The following DNAH7 variants were observed in gnomAD, a reference collection of about 807,000 sequenced individuals.
DNAH7 encodes the protein axonemal beta dynein heavy chain 7.
Under a neutral mutation model 444.6 loss-of-function variants are expected in DNAH7, and 397 were observed. That is an observed-to-expected ratio of 0.89 (90% CI 0.82 to 0.97). The LOEUF (loss-of-function observed/expected upper bound fraction) is 0.97, where lower values mean the gene tolerates loss of function less well. DNAH7 is among the 50% of genes least tolerant of loss of function. The probability of loss-of-function intolerance (pLI) is 0.00; values close to 1 mark genes in which losing one functional copy is unlikely to be tolerated. For missense variants in DNAH7, 4,902 were observed against 4,800.8 expected (o/e 1.02, Z -0.62); for synonymous variants, 1,636 against 1,624.4 (o/e 1.01, Z -0.17).
chr2:195,814,107 G>A (rs986776739), intron 51 of DNAH7, among the ~76,000 whole-genome samples: 2 of 152,208 alleles, frequency 1.3e-5, no homozygotes, highest in African/African-American at 4.8e-5. Flanking sequence ...TGTGTCTTGA[G>A]TTAGGTGCTG....
At chr2:195,910,737 A>G (rs1194910866) in intron 24 of DNAH7, among the ~76,000 whole-genome samples, 1 of 152,096 alleles carries the variant, frequency 6.6e-6, no homozygotes, top group African/African-American at 2.4e-5. Flanking sequence ...CACCTATATA[A>G]ATCTAGAAGT....
At position 195,882,786 on chromosome 2, in the gene DNAH7, C is replaced by T. The variant is rs1007339254; in HGVS notation, c.5764-794G>A. Among the ~76,000 whole-genome samples the T allele has an allele frequency of 2.0e-5, 3 of 152,242 alleles. No homozygotes were observed. The East Asian group carries it at 5.8e-4, about 29-fold the overall frequency. On this transcript the variant is annotated intron_variant, in intron 35 of 64. Transcript: ENST00000312428. ...TGGTCATTCAAAGTACATCAGAATTCGGACCCATCCTTCCTTCACAACCAG... is the reference window on the plus strand; with the variant it reads ...TGGTCATTCAAAGTACATCAGAATTTGGACCCATCCTTCCTTCACAACCAG...
intron 19 of DNAH7, among the ~76,000 whole-genome samples, chr2:195,956,762 T>G (rs1167488447): frequency 6.6e-6 from 1 of 152,228 alleles, no homozygotes; most frequent in African/African-American, 2.4e-5. Flanking sequence ...CTCCACAGTA[T>G]TTGTGTATTT....
At chr2:195,922,042 G>A (rs1336522314) in intron 24 of DNAH7, 46 bp downstream of exon 24, 4 of 1,074,878 alleles carry the variant, frequency 3.7e-6, no homozygotes, top group Non-Finnish European at 5.8e-6. Context: ...TGGTACAGGG[G>A]TGAGTGAAAG....
chr2:195,862,028 G>A lies in DNAH7; in HGVS notation c.7507-82C>T, dbSNP rs531055788. On this transcript the variant is annotated intron_variant, in intron 41 of 64. Coordinates refer to ENST00000312428, the MANE Select transcript of DNAH7 (RefSeq NM_018897.3). Reference sequence around the variant, plus strand: ...ACTACTGCAGCCCTTTACAACTTATGGATGTTGGGGGTGAAGGGGAATAGT... The same window carrying A: ...ACTACTGCAGCCCTTTACAACTTATAGATGTTGGGGGTGAAGGGGAATAGT... 66 of 1,027,958 alleles carry A rather than the reference G, an allele frequency of 6.4e-5. 4 individuals carry two copies. In the South Asian group the frequency reaches 9.7e-4, roughly 15 times the overall value. 63.7% of individuals were successfully genotyped at this position (1,027,958 alleles called of 1,614,324 possible). A position where few individuals can be genotyped will look rare whatever the true frequency, so the allele number is the denominator to read the frequency against.
chr2:196,018,679 A>G (rs1006449723), intron 9 of DNAH7, among the ~76,000 whole-genome samples: 5 of 152,192 alleles, frequency 3.3e-5, no homozygotes, highest in Admixed American at 6.5e-5. Flanking sequence ...ATCAGAGTCC[A>G]TTAATAGCAG....
intron 4 of DNAH7, 126 bp from the exon 5 acceptor site, chr2:196,047,625 G>T (rs1310370003): frequency 1.5e-5 from 11 of 749,890 alleles, no homozygotes; most frequent in South Asian, 9.3e-5. Flanking sequence ...GTAATCCTAA[G>T]TATAATTTTT....
chr2:195,976,756 AGAGAGAG>A (rs1559294916), intron 15 of DNAH7, among the ~76,000 whole-genome samples: 4,455 of 136,206 alleles, frequency 0.033, 227 homozygotes, highest in African/African-American at 0.11. Context: ...ACAGAGAGAG[AGAGAGAG>A]AGAGAGAGAG....
Position 195,844,888 on chromosome 2 carries a change from A to G in DNAH7, c.8945+114T>C, listed in dbSNP as rs538686738. On this transcript the variant is annotated intron_variant, in intron 47 of 64. Transcript: ENST00000312428. ...TTACTCATACTTAATTTCACTAATT[A>G]GTTAAGTAATTTTTTAATACTGTAA... 4 of 828,338 alleles carry G rather than the reference A, an allele frequency of 4.8e-6. No homozygotes were observed. The South Asian group carries it at 5.8e-5, about 12-fold the overall frequency. 51.3% of individuals were successfully genotyped at this position (828,338 alleles called of 1,614,324 possible).
chr2:195,886,648 A>G (rs775111337), intron 33 of DNAH7, among the ~76,000 whole-genome samples: 4 of 152,202 alleles, frequency 2.6e-5, no homozygotes, highest in Non-Finnish European at 5.9e-5. Flanking sequence ...GAGCATATGT[A>G]TAAGCCACAG....
chr2:195,979,543 T>A (rs1245574802), intron 15 of DNAH7, among the ~76,000 whole-genome samples: 3 of 151,940 alleles, frequency 2.0e-5, no homozygotes, highest in Non-Finnish European at 4.4e-5. Context: ...AAATAAGCAA[T>A]GCTCTGATTT....
rs1199706817 is a variant in DNAH7, at chr2:195,923,700, C to T, written c.3720G>A (p.Val1240=). 1.9e-6 allele frequency: 3 copies of T among 1,614,094 alleles called. No individual in the cohort carries two copies. The highest frequency in any genetic ancestry group is 4.5e-5 in the East Asian group (2 of 44,862). Residue 1240 remains valine, a synonymous_variant, in exon 23 of 65, where the codon GTG becomes GTA. Coordinates refer to ENST00000312428, the MANE Select transcript of DNAH7 (RefSeq NM_018897.3). ...MQNRVTLGAL[V]VLDVHARDVL... The stretch of plus-strand genomic sequence containing the variant: ...CATCTCTAGCATGGACATCCAGTAC[C>T]ACAAGTGCTCCCAGAGTTACGCGAT...
chr2:195,740,828 T>G lies in DNAH7; in HGVS notation c.11806A>C (p.Asn3936His), dbSNP rs997263834. Residue 3936 changes from asparagine to histidine, a missense_variant, in exon 64 of 65, where the codon AAT becomes CAT. Transcript: ENST00000312428. ...TCTGCAAGTTTCTTGATCTTTCTATTCCAGGAAGCTCCATCCAGAAATAAT... is the reference window on the plus strand; with the variant it reads ...TCTGCAAGTTTCTTGATCTTTCTATGCCAGGAAGCTCCATCCAGAAATAAT... ...HGLFLDGASWNRKIKKLAESH... is the reference protein window; with the variant it reads ...HGLFLDGASWHRKIKKLAESH... 2 of 1,568,032 alleles carry G rather than the reference T, an allele frequency of 1.3e-6. No homozygotes were observed. The highest frequency in any genetic ancestry group is 8.7e-7 in the Non-Finnish European group (1 of 1,156,016).
At chr2:196,003,492 C>A (rs1694174752) in intron 10 of DNAH7, among the ~76,000 whole-genome samples, 1 of 152,108 alleles carries the variant, frequency 6.6e-6, no homozygotes, top group Admixed American at 6.5e-5. Context: ...TCTTAATTCT[C>A]AAAGTGCTTA....
chr2:195,936,732 T>C lies in DNAH7; in HGVS notation c.3139A>G (p.Asn1047Asp), dbSNP rs201006335. ...DRMLERLKKSNELLELILKGL... is the reference protein window; with the variant it reads ...DRMLERLKKSDELLELILKGL... ...TTAAGAATGAGCTCCAAAAGTTCAT[T>C]AGATTTTTTCAGCCTTTCCAGCATT... is the stretch of plus-strand genomic sequence containing the variant. The change falls in exon 20 of 65, where the codon AAT becomes GAT. Residue 1047 changes from asparagine (N) to aspartate (D), a missense_variant. Physicochemically the swap from Asn to Asp is conservative, Grantham distance 23 (BLOSUM62 1). Coordinates refer to ENST00000312428, the MANE Select transcript of DNAH7 (RefSeq NM_018897.3). 23 of 1,600,280 alleles carry C rather than the reference T, an allele frequency of 1.4e-5. No homozygotes were observed. The highest frequency in any genetic ancestry group is 1.7e-4 in the Middle Eastern group (1 of 6,014).
intron 24 of DNAH7, among the ~76,000 whole-genome samples, chr2:195,916,454 C>G (rs1278835698): frequency 6.6e-6 from 1 of 150,716 alleles, no homozygotes; most frequent in Non-Finnish European, 1.5e-5. Flanking sequence ...CACCCCTGCC[C>G]CACCAGGAAT....
intron 40 of DNAH7, among the ~76,000 whole-genome samples, chr2:195,870,961 C>T (rs910979757): frequency 5.3e-5 from 8 of 152,260 alleles, no homozygotes; most frequent in African/African-American, 1.9e-4. Context: ...GCTCTCAGTA[C>T]ATTTCTATTA....
rs182131202 is a variant in DNAH7, at chr2:196,051,775, A to T, written c.79-526T>A. ...GAGCAACACTCTGTCTCAAGAAAAA[A>T]AAATAAATAAAAAATAACAAGTTCT... On this transcript the variant is annotated intron_variant, in intron 2 of 64. Coordinates refer to ENST00000312428, the MANE Select transcript of DNAH7 (RefSeq NM_018897.3). Among the ~76,000 whole-genome samples, 53 of 152,276 alleles carry T rather than the reference A, an allele frequency of 3.5e-4. 1 individual carries two copies. In the South Asian group the frequency reaches 4.4e-3, roughly 13 times the overall value.
chr2:195,949,811 T>C (rs981111147), intron 19 of DNAH7, among the ~76,000 whole-genome samples: 1 of 152,156 alleles, frequency 6.6e-6, no homozygotes, highest in Non-Finnish European at 1.5e-5. Context: ...TTTAGCATAA[T>C]GTGATGTTGA....
Sources: gnomAD v4.1 joint callset for allele counts (sites outside exome capture counted in the v4.1 genomes callset) on GRCh38, gnomAD v4.1.1 for gene constraint, MANE v1.5 for transcripts, NCBI Gene and HGNC (gene_info 2026-07-23, HGNC 2026-07-21) for gene names.